COL25A1: variants seen among roughly 807,000 people sequenced by gnomAD.
COL25A1 encodes the protein collagen alpha-1(XXV) chain.
Under a neutral mutation model 128.4 loss-of-function variants are expected in COL25A1, and 103 were observed. The ratio of observed to expected loss-of-function variants is 0.80; its 90% CI spans 0.68 to 0.94. The LOEUF (loss-of-function observed/expected upper bound fraction) is 0.94, where lower values mean the gene tolerates loss of function less well. COL25A1 is among the 40% of genes least tolerant of loss of function. The pLI is 0.00. For synonymous variants in COL25A1, 279 were observed against 277.2 expected (o/e 1.01, Z -0.06); for missense variants, 745 against 840.0 (o/e 0.89, Z 1.40).
At chr4:108,886,661 G>C (rs1417779902) in intron 18 of COL25A1, among the ~76,000 whole-genome samples, 2 of 151,896 alleles carry the variant, frequency 1.3e-5, no homozygotes, top group African/African-American at 2.4e-5. Context: ...CTCAATTTGG[G>C]GATGCACAAC....
chr4:109,129,716 C>A (rs941453870), intron 3 of COL25A1, among the ~76,000 whole-genome samples: 2 of 152,140 alleles, frequency 1.3e-5, no homozygotes, highest in Non-Finnish European at 2.9e-5. Context: ...TGTTATCTTT[C>A]TGGCAACCAA....
At chr4:108,971,242 C>G (rs1257884952) in intron 8 of COL25A1, among the ~76,000 whole-genome samples, 2 of 152,066 alleles carry the variant, frequency 1.3e-5, no homozygotes, top group Non-Finnish European at 2.9e-5. Context: ...TCTTGAGGGC[C>G]ATAATGATAT....
At chr4:108,924,232 T>G (rs181216294) in intron 11 of COL25A1, among the ~76,000 whole-genome samples, 258 of 152,330 alleles carry the variant, frequency 1.7e-3, no homozygotes, top group Middle Eastern at 3.4e-3. Context: ...GTAACATCAC[T>G]AATCTGCATA....
chr4:109,056,058 T>C (rs1233522217), intron 3 of COL25A1, among the ~76,000 whole-genome samples: 1 of 152,184 alleles, frequency 6.6e-6, no homozygotes, highest in African/African-American at 2.4e-5. Context: ...TAATAGGAAA[T>C]AATTTCAGCT....
At chr4:108,937,896 A>G in intron 10 of COL25A1, 53 bp from the exon 11 acceptor site, 1 of 1,442,316 alleles carries the variant, frequency 6.9e-7, no homozygotes, top group South Asian at 1.2e-5. Flanking sequence ...TTAAAAAAAA[A>G]CCCTTCAATC....
chr4:109,224,353 C>A lies in COL25A1; in HGVS notation c.367+76230G>T, dbSNP rs145193130. 7.6e-3 allele frequency among the ~76,000 whole-genome samples: 1,154 copies of A among 152,202 alleles called. 57 individuals carry two copies. In the South Asian group the frequency reaches 0.13, roughly 18 times the overall value. On this transcript the variant is annotated intron_variant, in intron 3 of 37. Transcript: ENST00000399132. ...TTTAAGGCCTTGGAGAGAAACCACA[C>A]CTGGAGGTCCTTTAAGTGACTGCAT...
At chr4:109,081,045 T>C (rs1010172650) in intron 3 of COL25A1, among the ~76,000 whole-genome samples, 1 of 152,186 alleles carries the variant, frequency 6.6e-6, no homozygotes, top group Non-Finnish European at 1.5e-5. Context: ...TGCTGGCGAG[T>C]AGGGTCACTG....
At chr4:108,900,415 C>A (rs1277818292) in intron 14 of COL25A1, among the ~76,000 whole-genome samples, 3 of 152,112 alleles carry the variant, frequency 2.0e-5, no homozygotes, top group Admixed American at 1.3e-4. Flanking sequence ...TCTGTGGGTA[C>A]GAATACACAC....
chr4:108,864,809 A>G (rs1216457871), intron 20 of COL25A1, among the ~76,000 whole-genome samples: 1 of 152,240 alleles, frequency 6.6e-6, no homozygotes, highest in Non-Finnish European at 1.5e-5. Flanking sequence ...TACATGTATT[A>G]TCCTATTTAA....
chr4:109,112,502 GA>G lies in COL25A1; in HGVS notation c.368-62324del, dbSNP rs773531597. Among the ~76,000 whole-genome samples, 573 of 100,106 alleles carry G rather than the reference GA, an allele frequency of 5.7e-3. 7 individuals are homozygous for G. Among genetic ancestry groups the G allele is most frequent in the African/African-American group, 0.014 (478 of 35,020 alleles). The allele number at this position is 100,106 out of a possible 152,430, so 65.7% of individuals were successfully genotyped here. On this transcript the variant is annotated intron_variant, in intron 3 of 37. Coordinates refer to ENST00000399132, the MANE Select transcript of COL25A1 (RefSeq NM_198721.4). ...AAATATATGATTTTATAAAATATTA[GA>G]AAAAAAAAACAGTGTTTCTATTCTG... is the stretch of plus-strand genomic sequence containing the variant.
intron 3 of COL25A1, among the ~76,000 whole-genome samples, chr4:109,291,487 T>C (rs2126285206): frequency 6.6e-6 from 1 of 152,214 alleles, no homozygotes; most frequent in Non-Finnish European, 1.5e-5. Context: ...AGAAGTATCT[T>C]TAGAAGATCC....
chr4:109,167,951 T>TC (rs2126127502), intron 3 of COL25A1, among the ~76,000 whole-genome samples: 1 of 152,264 alleles, frequency 6.6e-6, no homozygotes, highest in South Asian at 2.1e-4. Context: ...TATCTTGGCC[T>TC]CCATTCATGT....
chr4:108,955,998 A>G (rs557107651), intron 8 of COL25A1, among the ~76,000 whole-genome samples: 1 of 152,296 alleles, frequency 6.6e-6, no homozygotes, highest in South Asian at 2.1e-4. Flanking sequence ...AAATTATTCA[A>G]CCATTCGTAT....
chr4:109,073,943 C>T (rs1212834387), intron 3 of COL25A1, among the ~76,000 whole-genome samples: 1 of 152,130 alleles, frequency 6.6e-6, no homozygotes, highest in Non-Finnish European at 1.5e-5. Flanking sequence ...AATCATTCAA[C>T]CCACAAAAAG....
Position 109,141,367 on chromosome 4 carries a change from T to C in COL25A1, c.368-91188A>G, listed in dbSNP as rs1017568303. On this transcript the variant is annotated intron_variant, in intron 3 of 37. Transcript: ENST00000399132. ...TTATTGAAGATTTTCACATCGATGTTCATCAGGGATACTGGCCAGAAATTT... is the reference window on the plus strand; with the variant it reads ...TTATTGAAGATTTTCACATCGATGTCCATCAGGGATACTGGCCAGAAATTT... 3.9e-5 allele frequency among the ~76,000 whole-genome samples: 6 copies of C among 152,178 alleles called. No homozygotes were observed. In the South Asian group the frequency reaches 1.0e-3, roughly 26 times the overall value.
intron 3 of COL25A1, among the ~76,000 whole-genome samples, chr4:109,287,668 G>C (rs1250733572): frequency 1.3e-5 from 2 of 152,056 alleles, no homozygotes; most frequent in African/African-American, 4.8e-5. Context: ...CCCCTATTCT[G>C]ACATACTTTC....
intron 3 of COL25A1, among the ~76,000 whole-genome samples, chr4:109,178,280 G>C (rs533861963): frequency 6.6e-6 from 1 of 152,262 alleles, no homozygotes; most frequent in South Asian, 2.1e-4. Context: ...CAACTACGTT[G>C]GGTAAGGATT....
Position 109,099,883 on chromosome 4 carries a change from C to T in COL25A1, c.368-49704G>A, listed in dbSNP as rs1048035675. ...ACTATTTGAACTGCTAATATTTGGA[C>T]AGCCATCTTTCAATCAAATTAAAAC... is the stretch of plus-strand genomic sequence containing the variant. On this transcript the variant is annotated intron_variant, in intron 3 of 37. Coordinates refer to ENST00000399132, the MANE Select transcript of COL25A1 (RefSeq NM_198721.4). Among the ~76,000 whole-genome samples the T allele has an allele frequency of 5.9e-5, 9 of 152,230 alleles. No homozygotes were observed. The East Asian group carries it at 7.7e-4, about 13-fold the overall frequency.
chr4:109,286,193 TGAAGAGAGA>T (rs1324393651), intron 3 of COL25A1, among the ~76,000 whole-genome samples: 2 of 152,182 alleles, frequency 1.3e-5, no homozygotes, highest in Non-Finnish European at 2.9e-5. Context: ...TAGACACCTC[TGAAGAGAGA>T]TGGGATATTG....
Sources: allele counts gnomAD v4.1 joint callset (sites outside exome capture counted in the v4.1 genomes callset), GRCh38; gene constraint gnomAD v4.1.1; transcripts MANE v1.5; gene names NCBI Gene and HGNC (gene_info 2026-07-23, HGNC 2026-07-21).